The following ZNF277 variants were observed in gnomAD, a reference collection of about 807,000 sequenced individuals.
The protein encoded by ZNF277 is zinc finger protein 277.
In ZNF277, 55 loss-of-function variants were observed where a neutral mutation model predicts 60.7. That is an observed-to-expected ratio of 0.91 (90% confidence interval 0.73 to 1.13). The LOEUF (loss-of-function observed/expected upper bound fraction) is 1.13, where lower values mean the gene tolerates loss of function less well. ZNF277 is among the 50% of genes most tolerant of loss of function. The pLI, the probability that ZNF277 is intolerant of heterozygous loss-of-function variation, is 0.00. For synonymous variants in ZNF277, 178 were observed against 179.3 expected, an observed-to-expected ratio of 0.99 and a Z score of 0.06; for missense variants, 510 against 523.0, an observed-to-expected ratio of 0.98 and a Z score of 0.24.
chr7:112,301,701 C>A (rs1792474058), intron 4 of ZNF277, among the ~76,000 whole-genome samples: 1 of 152,130 alleles, frequency 6.6e-6, no homozygotes, highest in African/African-American at 2.4e-5. Flanking sequence ...AATTAATGAC[C>A]TCTTCTAAGT....
chr7:112,285,979 C>A (rs960608720), intron 1 of ZNF277, among the ~76,000 whole-genome samples: 3 of 152,112 alleles, frequency 2.0e-5, no homozygotes, highest in African/African-American at 7.2e-5. Context: ...ACCCTAGTTT[C>A]TTTACCCCAG....
chr7:112,234,531 T>G (rs1822433972), intron 1 of ZNF277, among the ~76,000 whole-genome samples: 1 of 152,128 alleles, frequency 6.6e-6, no homozygotes, highest in Admixed American at 6.6e-5. Context: ...ATCAGCACAT[T>G]GGTGATTATG....
Position 112,287,161 on chromosome 7 carries a change from A to G in ZNF277, c.293+87A>G. 7 of 1,405,264 alleles carry G rather than the reference A, an allele frequency of 5.0e-6. No individual in the cohort carries two copies. Among genetic ancestry groups the G allele is most frequent in the Non-Finnish European group, 6.9e-6 (7 of 1,012,830 alleles). 87.0% of individuals were successfully genotyped at this position (1,405,264 alleles called of 1,614,324 possible). A position where few individuals can be genotyped will look rare whatever the true frequency, so the allele number is the denominator to read the frequency against. The stretch of plus-strand genomic sequence containing the variant: ...TAATCCTAGTACTTTGGGAGGCCAA[A>G]GTGGGAGGATCACCCGAGGCCAGTA... On this transcript the variant is annotated intron_variant, in intron 2 of 11. Coordinates refer to ENST00000361822, the MANE Select transcript of ZNF277 (RefSeq NM_021994.3).
intron 1 of ZNF277, 32 bp from the exon 2 acceptor site, chr7:112,286,841 C>CTTTCTTTTT: frequency 3.2e-6 from 3 of 947,882 alleles, no homozygotes; most frequent in African/African-American, 5.8e-5. Context: ...TTCTTTCTTT[C>CTTTCTTTTT]TTTTTTTTTT....
At chr7:112,307,824 CT>C (rs544735577) in intron 4 of ZNF277, among the ~76,000 whole-genome samples, 2 of 151,360 alleles carry the variant, frequency 1.3e-5, no homozygotes, top group Admixed American at 1.3e-4. Flanking sequence ...AAGGTAGATG[CT>C]TTTTTTTCCA....
chr7:112,262,244 A>G (rs1308776057), intron 1 of ZNF277, among the ~76,000 whole-genome samples: 1 of 145,488 alleles, frequency 6.9e-6, no homozygotes, highest in Non-Finnish European at 1.5e-5. Context: ...TAAAAAAGCA[A>G]TACAAAAAAA....
At chr7:112,260,822 A>G (rs1418533137) in intron 1 of ZNF277, among the ~76,000 whole-genome samples, 1 of 152,164 alleles carries the variant, frequency 6.6e-6, no homozygotes, top group African/African-American at 2.4e-5. Flanking sequence ...TGTCTCTGCT[A>G]CCTTTTCTGA....
chr7:112,229,989 T>C (rs532752493), intron 1 of ZNF277, among the ~76,000 whole-genome samples: 61 of 152,004 alleles, frequency 4.0e-4, no homozygotes, highest in Non-Finnish European at 5.4e-4. Context: ...AGCAATGGAG[T>C]AGGAGACAAG....
chr7:112,255,518 CAT>C (rs1256099961), intron 1 of ZNF277, among the ~76,000 whole-genome samples: 1 of 152,182 alleles, frequency 6.6e-6, no homozygotes, highest in Non-Finnish European at 1.5e-5. Flanking sequence ...TGAAATCCCA[CAT>C]GTCAGGCTAT....
Position 112,257,280 on chromosome 7 carries a change from A to C in ZNF277, c.92-29593A>C, listed in dbSNP as rs932816969. On this transcript the variant is annotated intron_variant, in intron 1 of 11. Transcript: ENST00000361822. ...TATTTACCCAGCATTTACTTTGTGC[A>C]GGACACTGTGCTAGGTGGTAGAACC... Among the ~76,000 whole-genome samples the C allele has an allele frequency of 2.0e-5, 3 of 152,206 alleles. No homozygotes were observed. The East Asian group carries it at 5.8e-4, about 29-fold the overall frequency.
At position 112,336,095 on chromosome 7, in the gene ZNF277, C is replaced by T; in HGVS notation, c.802-9C>T. ...CAATGTCTCTCATCCCTCTGTTCTTCCTACAAAGGAACTTGGAAAATCGTG... is the reference window on the plus strand; with the variant it reads ...CAATGTCTCTCATCCCTCTGTTCTTTCTACAAAGGAACTTGGAAAATCGTG... On this transcript the variant is annotated splice_polypyrimidine_tract_variant and intron_variant, in intron 7 of 11. Coordinates refer to ENST00000361822, the MANE Select transcript of ZNF277 (RefSeq NM_021994.3). 6.2e-7 allele frequency: 1 copy of T among 1,609,980 alleles called. No individual in the cohort carries two copies. Among genetic ancestry groups the T allele is most frequent in the Non-Finnish European group, 8.5e-7 (1 of 1,177,586 alleles).
At chr7:112,226,025 A>G (rs1307337859) in intron 1 of ZNF277, among the ~76,000 whole-genome samples, 1 of 152,150 alleles carries the variant, frequency 6.6e-6, no homozygotes, top group Non-Finnish European at 1.5e-5. Flanking sequence ...CAAATAGTTG[A>G]CTATCACAAC....
intron 1 of ZNF277, among the ~76,000 whole-genome samples, chr7:112,210,553 C>T (rs1316033411): frequency 6.7e-6 from 1 of 150,250 alleles, no homozygotes; most frequent in African/African-American, 2.5e-5. Flanking sequence ...CTCACTGCAA[C>T]CTCCGCCTCC....
intron 4 of ZNF277, among the ~76,000 whole-genome samples, chr7:112,304,377 AC>A (rs1207106887): frequency 6.6e-6 from 1 of 152,062 alleles, no homozygotes; most frequent in Non-Finnish European, 1.5e-5. Flanking sequence ...CTGTTCAGTG[AC>A]CCTTTTGACA....
chr7:112,287,377 A>T (rs1048435997), intron 2 of ZNF277: 1 of 270,474 alleles, frequency 3.7e-6, no homozygotes, highest in Non-Finnish European at 6.9e-6. Context: ...CCTGTCTCTT[A>T]AGAAAGAGAA....
chr7:112,330,904 T>G (rs1301798184), intron 7 of ZNF277, among the ~76,000 whole-genome samples: 1 of 152,142 alleles, frequency 6.6e-6, no homozygotes, highest in Non-Finnish European at 1.5e-5. Context: ...CTATATATTC[T>G]ATTCAAAAGA....
chr7:112,323,214 C>T (rs28781733), intron 5 of ZNF277, among the ~76,000 whole-genome samples: 41,587 of 152,094 alleles, frequency 0.27, 6,552 homozygotes, highest in African/African-American at 0.43. Flanking sequence ...CACATGTGTA[C>T]TGCCTTCTAG....
intron 1 of ZNF277, among the ~76,000 whole-genome samples, chr7:112,209,998 G>A (rs980155956): frequency 6.6e-5 from 10 of 152,096 alleles, no homozygotes; most frequent in African/African-American, 1.2e-4. Context: ...GGCCTGTCGT[G>A]GGGTTGGGGG....
intron 6 of ZNF277, 134 bp downstream of exon 6, chr7:112,327,961 C>A: frequency 1.6e-6 from 1 of 632,812 alleles, no homozygotes; most frequent in Non-Finnish European, 2.6e-6. Context: ...ACATTTTGTA[C>A]GACAGTCCTT....
Sources: allele counts gnomAD v4.1 joint callset (sites outside exome capture counted in the v4.1 genomes callset), GRCh38; gene constraint gnomAD v4.1.1; transcripts MANE v1.5; gene names NCBI Gene and HGNC (gene_info 2026-07-23, HGNC 2026-07-21).